The following MTR variants were observed in gnomAD, a reference collection of about 807,000 sequenced individuals.
MTR encodes the protein methionine synthase.
Under a neutral mutation model 154.8 loss-of-function variants are expected in MTR, and 84 were observed. That is an observed-to-expected ratio of 0.54 (90% confidence interval 0.45 to 0.65). The LOEUF (loss-of-function observed/expected upper bound fraction) is 0.65, where lower values mean the gene tolerates loss of function less well. Among genes scored for constraint, MTR ranks in the 30% least tolerant of loss-of-function variants. The pLI is 0.00. For missense variants in MTR, 1,275 were observed against 1,570.2 expected, an observed-to-expected ratio of 0.81 and a Z score of 3.18; for synonymous variants, 554 against 553.9, an observed-to-expected ratio of 1.00 and a Z score of 0.00.
At chr1:236,886,243 T>A in intron 26 of MTR, 49 bp from the exon 27 acceptor site, 1 of 1,480,434 alleles carries the variant, frequency 6.8e-7, no homozygotes, top group South Asian at 1.1e-5. Context: ...TCACAGTAGT[T>A]GTAGAAAAGC....
intron 32 of MTR, among the ~76,000 whole-genome samples, 192 bp downstream of exon 32, chr1:236,897,310 G>GCGCACACACACACACA: frequency 3.9e-5 from 5 of 128,682 alleles, no homozygotes; most frequent in Admixed American, 7.6e-5. Flanking sequence ...CCACACACAC[G>GCGCACACACACACACA]CACACACACA....
At chr1:236,897,343 C>CACACACACACACACAT (rs1366033407) in intron 32 of MTR, among the ~76,000 whole-genome samples, 1 of 139,854 alleles carries the variant, frequency 7.2e-6, no homozygotes, top group Non-Finnish European at 1.5e-5. Flanking sequence ...CACACACACA[C>CACACACACACACACAT]ATACAGCTTC....
intron 15 of MTR, among the ~76,000 whole-genome samples, chr1:236,845,986 G>A (rs1166899377): frequency 6.6e-6 from 1 of 152,190 alleles, no homozygotes; most frequent in Admixed American, 6.6e-5. Flanking sequence ...GACTAAGCAA[G>A]GCACACCAGC....
chr1:236,812,625 A>G (rs1572196887), intron 5 of MTR, 113 bp from the exon 6 acceptor site: 1 of 830,372 alleles, frequency 1.2e-6, no homozygotes, highest in East Asian at 2.5e-5. Context: ...TTCTTAAACT[A>G]TGCATTGTAA....
intron 15 of MTR, among the ~76,000 whole-genome samples, chr1:236,849,209 G>A (rs1036216315): frequency 6.6e-6 from 1 of 152,134 alleles, no homozygotes; most frequent in Admixed American, 6.5e-5. Context: ...GAAATACTTT[G>A]AGTAAAAGCA....
chr1:236,856,797 C>T (rs1355860683), intron 18 of MTR, among the ~76,000 whole-genome samples: 1 of 152,036 alleles, frequency 6.6e-6, no homozygotes, highest in South Asian at 2.1e-4. Flanking sequence ...TTTTCTGTTC[C>T]TGTGTTAGTT....
intron 22 of MTR, among the ~76,000 whole-genome samples, chr1:236,865,083 A>T (rs1664751428): frequency 6.6e-6 from 1 of 152,216 alleles, no homozygotes; most frequent in African/African-American, 2.4e-5. Flanking sequence ...ACATTTTAAG[A>T]AGCCAGGGAA....
intron 1 of MTR, among the ~76,000 whole-genome samples, chr1:236,799,647 T>C (rs1014784069): frequency 2.0e-5 from 3 of 152,206 alleles, no homozygotes; most frequent in Admixed American, 6.5e-5. Context: ...TTCTGGAATG[T>C]ACAAGGAACT....
At position 236,897,310 on chromosome 1, in the gene MTR, G is replaced by GCGCGCGCGCGCGCACACACACA; in HGVS notation, c.3711+193_3711+194insGCGCGCGCGCGCACACACACAC. On this transcript the variant is annotated intron_variant, in intron 32 of 32. Coordinates refer to ENST00000366577, the MANE Select transcript of MTR (RefSeq NM_000254.3). ...ACTTCTACATGCAAGCCACACACAC[G>GCGCGCGCGCGCGCACACACACA]CACACACACACACACACACACACAC... Among the ~76,000 whole-genome samples, 78 of 128,682 alleles carry GCGCGCGCGCGCGCACACACACA rather than the reference G, an allele frequency of 6.1e-4. 1 individual carries two copies. Among genetic ancestry groups the GCGCGCGCGCGCGCACACACACA allele is most frequent in the East Asian group, 1.4e-3 (6 of 4,372 alleles). The allele number at this position is 128,682 out of a possible 152,430, so 84.4% of individuals were successfully genotyped here.
chr1:236,815,730 C>T (rs967895196), intron 7 of MTR, 67 bp downstream of exon 7: 58 of 1,484,554 alleles, frequency 3.9e-5, no homozygotes, highest in Non-Finnish European at 5.2e-5. Context: ...CATGTTTTTC[C>T]CCCGCTTTGC....
Position 236,902,218 on chromosome 1 carries a change from C to T in MTR, c.*4574C>T, listed in dbSNP as rs1456292676. 1 of 152,350 alleles carries T rather than the reference C, an allele frequency of 6.6e-6. No individual in the cohort carries two copies. Among genetic ancestry groups the T allele is most frequent in the Non-Finnish European group, 1.5e-5 (1 of 68,198 alleles). The allele number at this position is 152,350 out of a possible 1,614,324, so 9.4% of individuals were successfully genotyped here. On this transcript the variant is annotated 3_prime_UTR_variant, in exon 33 of 33. Coordinates refer to ENST00000366577, the MANE Select transcript of MTR (RefSeq NM_000254.3). ...GGAAGCCCTAGACTGCTGCTGTACC[C>T]TGAAGGAGGTACCTGCTCACATTGG...
At chr1:236,849,229 C>T (rs982289973) in intron 15 of MTR, among the ~76,000 whole-genome samples, 1 of 152,150 alleles carries the variant, frequency 6.6e-6, no homozygotes, top group South Asian at 2.1e-4. Context: ...AGCATTCATA[C>T]ATAATGTTGA....
chr1:236,830,829 T>C (rs12097647), intron 12 of MTR, among the ~76,000 whole-genome samples: 53,398 of 152,048 alleles, frequency 0.35, 10,221 homozygotes, highest in East Asian at 0.44. Flanking sequence ...TGGAAAGCGA[T>C]AATCTCTATC....
intron 15 of MTR, among the ~76,000 whole-genome samples, chr1:236,839,707 T>G (rs1663119663): frequency 6.6e-6 from 1 of 152,218 alleles, no homozygotes; most frequent in South Asian, 2.1e-4. Flanking sequence ...AAGCCCTTCC[T>G]GGGAATCTAG....
chr1:236,896,929 C>T, intron 31 of MTR, 77 bp from the exon 32 acceptor site: 2 of 1,025,922 alleles, frequency 1.9e-6, no homozygotes. Context: ...AACAAGAGTT[C>T]ATTGAGTGCC....
At chr1:236,840,645 G>A (rs372730460) in intron 15 of MTR, among the ~76,000 whole-genome samples, 1 of 152,148 alleles carries the variant, frequency 6.6e-6, no homozygotes, top group East Asian at 1.9e-4. Context: ...GATTATACCT[G>A]GTATTCTGTA....
chr1:236,832,025 A>G lies in MTR; in HGVS notation c.1135A>G (p.Asn379Asp), dbSNP rs1662641467. Residue 379 changes from asparagine (N) to aspartate (D), a missense_variant, in exon 13 of 33, where the codon AAT becomes GAT. Coordinates refer to ENST00000366577, the MANE Select transcript of MTR (RefSeq NM_000254.3). The stretch of plus-strand genomic sequence containing the variant: ...CTTTGTTAACATTGGAGAGCGCTGT[A>G]ATGTTGCAGGATCAAGGAAGTTTGC... ...TNFVNIGERC[N>D]VAGSRKFAKL... 1.9e-6 allele frequency: 3 copies of G among 1,614,184 alleles called. No homozygotes were observed. The highest frequency in any genetic ancestry group is 2.5e-6 in the Non-Finnish European group (3 of 1,180,008).
chr1:236,830,652 G>A (rs924626723), intron 12 of MTR, among the ~76,000 whole-genome samples: 1 of 152,112 alleles, frequency 6.6e-6, no homozygotes, highest in African/African-American at 2.4e-5. Context: ...GCTTTTGGCG[G>A]AGGAGTCACA....
chr1:236,838,103 C>G (rs6668438), intron 14 of MTR, among the ~76,000 whole-genome samples: 78 of 152,042 alleles, frequency 5.1e-4, no homozygotes, highest in Non-Finnish European at 8.4e-4. Context: ...GTGTTTGCCT[C>G]GGGGCTTAGG....
Sources: allele counts gnomAD v4.1 joint callset (sites outside exome capture counted in the v4.1 genomes callset), GRCh38; gene constraint gnomAD v4.1.1; transcripts MANE v1.5; gene names NCBI Gene and HGNC (gene_info 2026-07-23, HGNC 2026-07-21).